Variants in ARHGEF2 observed in about 807,000 individuals in gnomAD.
The protein encoded by ARHGEF2 is Rho/Rac guanine nucleotide exchange factor 2.
A neutral mutation model predicts 121.0 loss-of-function variants in ARHGEF2; 22 were observed. That is an observed-to-expected ratio of 0.18 (90% CI 0.13 to 0.26). The LOEUF is 0.26. ARHGEF2 is among the 10% of genes least tolerant of loss of function. The pLI, the probability that ARHGEF2 is intolerant of heterozygous loss-of-function variation, is 1.00. For missense variants in ARHGEF2, 907 were observed against 1,336.0 expected (o/e 0.68, Z 5.01); for synonymous variants, 487 against 530.0 (o/e 0.92, Z 1.11).
chr1:155,949,409 A>G (rs1002552107), intron 21 of ARHGEF2, among the ~76,000 whole-genome samples: 4 of 151,872 alleles, frequency 2.6e-5, no homozygotes, highest in Non-Finnish European at 5.9e-5. Context: ...GTGAAACCCT[A>G]TCTCTTCTAA....
chr1:155,950,358 G>A lies in ARHGEF2; in HGVS notation c.2828C>T (p.Pro943Leu). ...PEERLQDSSD[P>L]DTGSEEEGSS... ...ACCTTCCTCCTCGCTGCCAGTGTCA[G>A]GGTCACTGCTGTCTTGCAGCCGCTC... The change falls in exon 21 of 22, where the codon CCT becomes CTT. Residue 943 changes from proline to leucine, a missense_variant. Coordinates refer to ENST00000361247, the MANE Select transcript of ARHGEF2 (RefSeq NM_001162383.2). The surrounding 1 kb of genome is among the most constrained non-coding windows in gnomAD (Gnocchi z 5.2). The A allele has an allele frequency of 1.2e-6, 2 of 1,613,934 alleles. No individual in the cohort carries two copies. The highest frequency in any genetic ancestry group is 1.7e-6 in the Non-Finnish European group (2 of 1,180,024).
Position 155,962,926 on chromosome 1 carries a change from T to C in ARHGEF2, c.975+7A>G, listed in dbSNP as rs1678262590. On this transcript the variant is annotated splice_region_variant and intron_variant, in intron 8 of 21. Coordinates refer to ENST00000361247, the MANE Select transcript of ARHGEF2 (RefSeq NM_001162383.2). The surrounding 1 kb of genome is among the most constrained non-coding windows in gnomAD (Gnocchi z 5.8). Reference sequence around the variant, plus strand: ...GAATGTCACCCAGGGGTCCTGCCTTTTCCCACCTGGCTGATGAGCAGATCA... The same window carrying C: ...GAATGTCACCCAGGGGTCCTGCCTTCTCCCACCTGGCTGATGAGCAGATCA... 1.2e-6 allele frequency: 2 copies of C among 1,613,940 alleles called. No individual in the cohort carries two copies. Among genetic ancestry groups the C allele is most frequent in the Non-Finnish European group, 1.7e-6 (2 of 1,179,948 alleles).
Position 155,978,190 on chromosome 1 carries a change from C to T in ARHGEF2, c.63+175G>A. The T allele has an allele frequency of 7.6e-7, 1 of 1,321,846 alleles. No individual in the cohort carries two copies. Among genetic ancestry groups the T allele is most frequent in the Non-Finnish European group, 9.7e-7 (1 of 1,028,678 alleles). The allele number at this position is 1,321,846 out of a possible 1,614,324, so 81.9% of individuals were successfully genotyped here. A position where few individuals can be genotyped will look rare whatever the true frequency, so the allele number is the denominator to read the frequency against. ...CCGTCGCGTCTGCCGCTCCCCCCACCCCTACCCACTCGCTCGCAGTCCCCA... is the reference window on the plus strand; with the variant it reads ...CCGTCGCGTCTGCCGCTCCCCCCACTCCTACCCACTCGCTCGCAGTCCCCA... On this transcript the variant is annotated intron_variant, in intron 1 of 21. Coordinates refer to ENST00000361247, the MANE Select transcript of ARHGEF2 (RefSeq NM_001162383.2). This position sits in a 1 kb window ranked among gnomAD's most constrained non-coding sequence, Gnocchi z 4.1.
In ARHGEF2 at chr1:155,978,355, C is replaced by T. The variant is rs746481677; in HGVS notation, c.63+10G>A. On this transcript the variant is annotated intron_variant, in intron 1 of 21. Coordinates refer to ENST00000361247, the MANE Select transcript of ARHGEF2 (RefSeq NM_001162383.2). This position sits in a 1 kb window ranked among gnomAD's most constrained non-coding sequence, Gnocchi z 4.1. ...GACCGCGGCGAAAGGAGAGGGGTTT[C>T]CGAGCCCACCTTGCTCGCCAGCTCT... The T allele has an allele frequency of 3.3e-6, 5 of 1,507,884 alleles. No individual in the cohort carries two copies. Among genetic ancestry groups the T allele is most frequent in the Admixed American group, 2.0e-5 (1 of 48,980 alleles). 93.4% of individuals were successfully genotyped at this position (1,507,884 alleles called of 1,614,324 possible).
intron 2 of ARHGEF2, chr1:155,968,938 C>A: frequency 1.8e-6 from 1 of 557,738 alleles, no homozygotes; most frequent in Non-Finnish European, 3.1e-6. Flanking sequence ...CCCTCCCCCA[C>A]ATTCCCAGAT....
At chr1:155,954,577 C>T (rs944893986) in intron 14 of ARHGEF2, among the ~76,000 whole-genome samples, 4 of 139,346 alleles carry the variant, frequency 2.9e-5, no homozygotes, top group Non-Finnish European at 4.7e-5. Context: ...CGTGAGCCAC[C>T]GCGCCCGGCC....
At chr1:155,954,034 G>A (rs970580307) in intron 14 of ARHGEF2, among the ~76,000 whole-genome samples, 6 of 151,292 alleles carry the variant, frequency 4.0e-5, no homozygotes, top group African/African-American at 1.5e-4. Context: ...CAATTATAGT[G>A]TATTACAGCC....
chr1:155,957,636 G>C (rs1169994653), intron 13 of ARHGEF2, 77 bp downstream of exon 13: 21 of 1,469,562 alleles, frequency 1.4e-5, no homozygotes, highest in Non-Finnish European at 1.9e-5. Context: ...CTGTTCCCAG[G>C]GAGTTCTATG....
intron 11 of ARHGEF2, among the ~76,000 whole-genome samples, chr1:155,959,035 T>A (rs1378845494): frequency 6.6e-6 from 1 of 152,052 alleles, no homozygotes; most frequent in Non-Finnish European, 1.5e-5. Context: ...CCTGACTGAT[T>A]CAGGTTTCTT....
chr1:155,965,431 G>A lies in ARHGEF2; in HGVS notation c.471-19C>T, dbSNP rs760584244. ...GAAATGTCTGAAGAAAGTGGAGGCT[G>A]TCTGCATCACCCCCAGTCGGGCAAA... On this transcript the variant is annotated intron_variant, in intron 5 of 21. Transcript: ENST00000361247. The surrounding 1 kb of genome is among the most constrained non-coding windows in gnomAD (Gnocchi z 6.0). 1.2e-6 allele frequency: 2 copies of A among 1,610,540 alleles called. No homozygotes were observed. The highest frequency in any genetic ancestry group is 2.2e-5 in the East Asian group (1 of 44,868).
upstream of ARHGEF2, chr1:155,978,556 C>T (rs1572221525): frequency 3.2e-6 from 4 of 1,266,518 alleles, no homozygotes; most frequent in Non-Finnish European, 4.0e-6. The surrounding 1 kb of genome is among the most constrained non-coding windows in gnomAD (Gnocchi z 4.1). Context: ...TCCCCTCGCC[C>T]GGCACCCAGC....
In ARHGEF2 at chr1:155,947,936, G is replaced by C; in HGVS notation, c.*6C>G. ...GTGGGGCACGGGGCAGGGGGGAGGGGCCCCCTTAGCTCTCGGAGGCTACAG... is the reference window on the plus strand; with the variant it reads ...GTGGGGCACGGGGCAGGGGGGAGGGCCCCCCTTAGCTCTCGGAGGCTACAG... On this transcript the variant is annotated 3_prime_UTR_variant, in exon 22 of 22. Coordinates refer to ENST00000361247, the MANE Select transcript of ARHGEF2 (RefSeq NM_001162383.2). 1 of 1,546,016 alleles carries C rather than the reference G, an allele frequency of 6.5e-7. No homozygotes were observed. Among genetic ancestry groups the C allele is most frequent in the Non-Finnish European group, 8.7e-7 (1 of 1,142,984 alleles).
Position 155,947,842 on chromosome 1 carries a change from C to G in ARHGEF2, c.*100G>C. On this transcript the variant is annotated 3_prime_UTR_variant, in exon 22 of 22. Coordinates refer to ENST00000361247, the MANE Select transcript of ARHGEF2 (RefSeq NM_001162383.2). The stretch of plus-strand genomic sequence containing the variant: ...GAGCTGGCAAGGACAATTTGCAGTT[C>G]TTTCAAATGTTCCCTCATCATTGGC... The G allele has an allele frequency of 1.5e-6, 1 of 681,382 alleles. No individual in the cohort carries two copies. Among genetic ancestry groups the G allele is most frequent in the East Asian group, 2.9e-5 (1 of 34,968 alleles). The allele number at this position is 681,382 out of a possible 1,614,324, so 42.2% of individuals were successfully genotyped here.
rs550015511 is a variant in ARHGEF2 at position 155,955,930 on chromosome 1, G to A, written c.1716-961C>T. ...AGGGTTTCGCCATGTTGGCCAGGCT[G>A]GTCTCGAACTCCAGTGGTCCGCCTG... On this transcript the variant is annotated intron_variant, in intron 13 of 21. Coordinates refer to ENST00000361247, the MANE Select transcript of ARHGEF2 (RefSeq NM_001162383.2). Among the ~76,000 whole-genome samples the A allele has an allele frequency of 5.9e-5, 9 of 152,080 alleles. No homozygotes were observed. In the South Asian group the frequency reaches 1.7e-3, roughly 28 times the overall value.
At chr1:155,966,190 A>C (rs796294720) in intron 4 of ARHGEF2, among the ~76,000 whole-genome samples, 21 of 152,250 alleles carry the variant, frequency 1.4e-4, no homozygotes, top group African/African-American at 5.1e-4. Context: ...GGCCAGGCTC[A>C]GGCGACCACC....
chr1:155,951,005 C>G lies in ARHGEF2; in HGVS notation c.2527G>C (p.Glu843Gln). ...GSLEARLRES[E>Q]QARALLEREA... ...CGCTCCAGCAGTGCCCGGGCCTGCTCACTCTCCCGGAGCCGGGCCTCCAGG... is the reference window on the plus strand; with the variant it reads ...CGCTCCAGCAGTGCCCGGGCCTGCTGACTCTCCCGGAGCCGGGCCTCCAGG... Residue 843 changes from glutamate to glutamine, a missense_variant, in exon 20 of 22, where the codon GAG becomes CAG. Physicochemically the swap from Glu to Gln is conservative, Grantham distance 29. Transcript: ENST00000361247. This position sits in a 1 kb window ranked among gnomAD's most constrained non-coding sequence, Gnocchi z 5.1. 1 of 1,607,936 alleles carries G rather than the reference C, an allele frequency of 6.2e-7. No homozygotes were observed. Among genetic ancestry groups the G allele is most frequent in the Non-Finnish European group, 8.5e-7 (1 of 1,178,568 alleles).
chr1:155,951,449 T>C lies in ARHGEF2; in HGVS notation c.2259+34A>G. 1.2e-6 allele frequency: 2 copies of C among 1,613,482 alleles called. No individual in the cohort carries two copies. Among genetic ancestry groups the C allele is most frequent in the Non-Finnish European group, 1.7e-6 (2 of 1,179,424 alleles). On this transcript the variant is annotated intron_variant, in intron 19 of 21. Transcript: ENST00000361247. This position sits in a 1 kb window ranked among gnomAD's most constrained non-coding sequence, Gnocchi z 5.1. ...AAACAGGCATCTCTAGCCTGGCTCC[T>C]CCCCTTCCCCATTCAAGCCCTTGTC... is the stretch of plus-strand genomic sequence containing the variant.
Position 155,978,153 on chromosome 1 carries a change from G to A in ARHGEF2, c.63+212C>T, listed in dbSNP as rs542420291. 347 of 1,276,434 alleles carry A rather than the reference G, an allele frequency of 2.7e-4. 4 individuals are homozygous for A. In the South Asian group the frequency reaches 6.9e-3, roughly 26 times the overall value. 79.1% of individuals were successfully genotyped at this position (1,276,434 alleles called of 1,614,324 possible). ...GCCCAGGTCCGCTCCGCTCCCTCCC[G>A]GGATCCCAGCACCGTCGCGTCTGCC... On this transcript the variant is annotated intron_variant, in intron 1 of 21. Transcript: ENST00000361247. This position sits in a 1 kb window ranked among gnomAD's most constrained non-coding sequence, Gnocchi z 4.1.
In ARHGEF2 at chr1:155,978,475, T is replaced by A; in HGVS notation, c.-48A>T. On this transcript the variant is annotated 5_prime_UTR_variant, in exon 1 of 22. Coordinates refer to ENST00000361247, the MANE Select transcript of ARHGEF2 (RefSeq NM_001162383.2). This position sits in a 1 kb window ranked among gnomAD's most constrained non-coding sequence, Gnocchi z 4.1. ...GGACGCGGCGCGGACCCCGGCGTCC[T>A]GTATTGTTGGGGGAAGGCGGGGGGA... is the stretch of plus-strand genomic sequence containing the variant. 7.1e-7 allele frequency: 1 copy of A among 1,401,508 alleles called. No homozygotes were observed. Among genetic ancestry groups the A allele is most frequent in the South Asian group, 1.5e-5 (1 of 67,722 alleles). 86.8% of individuals were successfully genotyped at this position (1,401,508 alleles called of 1,614,324 possible).
Sources: gnomAD v4.1 joint callset for allele counts (sites outside exome capture counted in the v4.1 genomes callset) on GRCh38, gnomAD v4.1.1 for gene constraint, Gnocchi (gnomAD v3.1) non-coding constraint, MANE v1.5 for transcripts, NCBI Gene and HGNC (gene_info 2026-07-23, HGNC 2026-07-21) for gene names.